The following SYNPO2 variants were observed in gnomAD, a reference collection of about 807,000 sequenced individuals.
SYNPO2 encodes the protein synaptopodin-2.
SYNPO2 carries 56 observed loss-of-function variants against 85.0 expected under a neutral mutation model. The observed-to-expected ratio is 0.66, with a 90% CI of 0.53 to 0.82. SYNPO2 has a LOEUF of 0.82. SYNPO2 is among the 40% of genes least tolerant of loss of function. The pLI, the probability that SYNPO2 is intolerant of heterozygous loss-of-function variation, is 0.00. For missense variants in SYNPO2, 1,575 were observed against 1,534.2 expected, an observed-to-expected ratio of 1.03 and a Z score of -0.44; for synonymous variants, 602 against 591.1, an observed-to-expected ratio of 1.02 and a Z score of -0.27.
chr4:118,969,765 T>C (rs980602091), intron 1 of SYNPO2, among the ~76,000 whole-genome samples: 3 of 148,468 alleles, frequency 2.0e-5, no homozygotes, highest in Non-Finnish European at 4.5e-5. Flanking sequence ...GGAAGTTGAT[T>C]ACAAGGTTTT....
rs1387919373 is a variant in SYNPO2 at position 119,005,267 on chromosome 4, A to G, written c.106-18163A>G. On this transcript the variant is annotated intron_variant, in intron 1 of 4. Coordinates refer to ENST00000307142, the MANE Select transcript of SYNPO2 (RefSeq NM_133477.3). ...TTTGTCAATTTTGGCTTTTGTTGCC[A>G]TTGCTTTTGGCGTTTTAGACATGAA... Among the ~76,000 whole-genome samples the G allele has an allele frequency of 1.8e-4, 28 of 152,228 alleles. No homozygotes were observed. In the South Asian group the frequency reaches 5.6e-3, roughly 30 times the overall value.
In SYNPO2 at chr4:119,023,418, T is replaced by C. The variant is rs768886528; in HGVS notation, c.106-12T>C. 2 of 1,594,256 alleles carry C rather than the reference T, an allele frequency of 1.3e-6. No individual in the cohort carries two copies. Among genetic ancestry groups the C allele is most frequent in the Non-Finnish European group, 1.7e-6 (2 of 1,171,982 alleles). On this transcript the variant is annotated splice_polypyrimidine_tract_variant and intron_variant, in intron 1 of 4. Transcript: ENST00000307142. ...ATCATTCTACTATGTCTTCTTTTTT[T>C]ACTCCACTCAGATTCGAAATCAGAG...
At chr4:118,936,967 A>C (rs919731546) in intron 1 of SYNPO2, among the ~76,000 whole-genome samples, 2 of 151,440 alleles carry the variant, frequency 1.3e-5, no homozygotes, top group African/African-American at 2.4e-5. Flanking sequence ...CTTCACATAC[A>C]CTCTCTTTCT....
At chr4:119,019,060 G>C (rs368528468) in intron 1 of SYNPO2, among the ~76,000 whole-genome samples, 14 of 152,170 alleles carry the variant, frequency 9.2e-5, no homozygotes, top group African/African-American at 3.4e-4. Context: ...GAGTTTACTT[G>C]ATGGGGGAGG....
At position 119,030,065 on chromosome 4, in the gene SYNPO2, G is replaced by A. The variant is rs763148936; in HGVS notation, c.1290G>A (p.Glu430=). ...EADEEEEGDK[E]DTCEVAFLGA... ...ACGAGGAGGAAGAAGGTGACAAGGAGGATACATGTGAAGTAGCATTTCTTG... is the reference window on the plus strand; with the variant it reads ...ACGAGGAGGAAGAAGGTGACAAGGAAGATACATGTGAAGTAGCATTTCTTG... The change falls in exon 4 of 5, where the codon GAG becomes GAA. Residue 430 remains glutamate, a synonymous_variant. Coordinates refer to ENST00000307142, the MANE Select transcript of SYNPO2 (RefSeq NM_133477.3). 1 of 1,614,140 alleles carries A rather than the reference G, an allele frequency of 6.2e-7. No homozygotes were observed. Among genetic ancestry groups the A allele is most frequent in the East Asian group, 2.2e-5 (1 of 44,878 alleles).
intron 1 of SYNPO2, among the ~76,000 whole-genome samples, chr4:118,992,724 C>T (rs1031635249): frequency 1.3e-5 from 2 of 152,108 alleles, no homozygotes; most frequent in African/African-American, 2.4e-5. Context: ...CATAAATGCA[C>T]TTGATCTGGA....
intron 4 of SYNPO2, among the ~76,000 whole-genome samples, chr4:119,057,195 C>T (rs1464321996): frequency 6.6e-6 from 1 of 152,068 alleles, no homozygotes; most frequent in African/African-American, 2.4e-5. Flanking sequence ...AAGTGGCAGC[C>T]CACCATTTGC....
rs1163550427 is a variant in SYNPO2 at position 119,058,313 on chromosome 4, A to T, written c.*379A>T. On this transcript the variant is annotated 3_prime_UTR_variant, in exon 5 of 5. Coordinates refer to ENST00000307142, the MANE Select transcript of SYNPO2 (RefSeq NM_133477.3). ...ACTAAGTATTTCTTCATTGTACCTT[A>T]GTCCAGGAAGAAATTAATGGAATAT... 6.1e-6 allele frequency: 1 copy of T among 164,510 alleles called. No homozygotes were observed. Among genetic ancestry groups the T allele is most frequent in the Non-Finnish European group, 1.3e-5 (1 of 75,898 alleles). 10.2% of individuals were successfully genotyped at this position (164,510 alleles called of 1,614,324 possible).
At chr4:119,002,235 T>TA in intron 1 of SYNPO2, among the ~76,000 whole-genome samples, 1 of 152,320 alleles carries the variant, frequency 6.6e-6, no homozygotes, top group East Asian at 1.9e-4. Flanking sequence ...TCCTGGTATT[T>TA]TAAAATATAT....
chr4:119,013,871 CAG>C (rs1403224371), intron 1 of SYNPO2, among the ~76,000 whole-genome samples: 1 of 152,152 alleles, frequency 6.6e-6, no homozygotes, highest in Non-Finnish European at 1.5e-5. Flanking sequence ...TTTAAATTAA[CAG>C]AGTATGAAAA....
chr4:118,899,030 C>T (rs1340871096), intron 1 of SYNPO2, among the ~76,000 whole-genome samples: 5 of 152,158 alleles, frequency 3.3e-5, no homozygotes, highest in African/African-American at 1.2e-4. Flanking sequence ...CGGAGGGGAG[C>T]ACTTGCTCTT....
intron 4 of SYNPO2, chr4:119,035,215 T>A (rs1208516855): frequency 1.0e-6 from 1 of 985,320 alleles, no homozygotes; most frequent in Non-Finnish European, 1.2e-6. Context: ...AGTTTCCCCT[T>A]AATCATGTGT....
intron 1 of SYNPO2, among the ~76,000 whole-genome samples, chr4:118,863,381 T>C (rs900516069): frequency 6.6e-6 from 1 of 152,200 alleles, no homozygotes; most frequent in Non-Finnish European, 1.5e-5. Context: ...TGGTTCAATC[T>C]TGGTAGGTTG....
chr4:119,017,542 T>C (rs1177773162), intron 1 of SYNPO2, among the ~76,000 whole-genome samples: 1 of 79,836 alleles, frequency 1.3e-5, no homozygotes, highest in African/African-American at 4.5e-5. Context: ...ACATTTTCTG[T>C]CAAAAAAAAA....
At chr4:118,910,378 C>G (rs1733095434) in intron 1 of SYNPO2, among the ~76,000 whole-genome samples, 1 of 152,230 alleles carries the variant, frequency 6.6e-6, no homozygotes, top group Non-Finnish European at 1.5e-5. Flanking sequence ...GCATAACACG[C>G]CTATACTCAT....
At chr4:118,920,924 G>A (rs184941667) in intron 1 of SYNPO2, among the ~76,000 whole-genome samples, 130 of 151,514 alleles carry the variant, frequency 8.6e-4, no homozygotes, top group Non-Finnish European at 1.5e-3. Flanking sequence ...TAGAGAGAGG[G>A]TCTAGCTCTG....
chr4:118,906,290 C>A (rs1250070180), intron 1 of SYNPO2, among the ~76,000 whole-genome samples: 16 of 151,924 alleles, frequency 1.1e-4, no homozygotes, highest in Admixed American at 7.9e-4. Context: ...TGTGTGTGTT[C>A]AGATTTTTAA....
intron 1 of SYNPO2, among the ~76,000 whole-genome samples, chr4:119,021,841 A>G (rs1737735584): frequency 2.0e-5 from 3 of 152,002 alleles, no homozygotes; most frequent in African/African-American, 7.2e-5. Flanking sequence ...AGGAGCTGCA[A>G]CTCTCTAGAC....
intron 1 of SYNPO2, among the ~76,000 whole-genome samples, chr4:118,949,736 A>G (rs1415336445): frequency 1.3e-5 from 2 of 151,746 alleles, no homozygotes; most frequent in African/African-American, 4.8e-5. Flanking sequence ...GCGACAGAGC[A>G]AGACTCTGTC....
Sources: allele counts gnomAD v4.1 joint callset (sites outside exome capture counted in the v4.1 genomes callset), GRCh38; gene constraint gnomAD v4.1.1; transcripts MANE v1.5; gene names NCBI Gene and HGNC (gene_info 2026-07-23, HGNC 2026-07-21).